ZFHX3: variants seen among roughly 807,000 people sequenced by gnomAD.
ZFHX3 encodes the protein zinc finger homeobox protein 3.
A neutral mutation model predicts 279.1 loss-of-function variants in ZFHX3; 42 were observed. The ratio of observed to expected loss-of-function variants is 0.15; its 90% confidence interval spans 0.12 to 0.19. The LOEUF is 0.19. Ranked by LOEUF, ZFHX3 falls within the 10% of genes least tolerant of loss-of-function variation. The pLI, the probability that ZFHX3 is intolerant of heterozygous loss-of-function variation, is 1.00. For synonymous variants in ZFHX3, 2,293 were observed against 1,957.8 expected, an observed-to-expected ratio of 1.17 and a Z score of -4.52; for missense variants, 4,981 against 4,754.0, an observed-to-expected ratio of 1.05 and a Z score of -1.40.
chr16:72,984,378 G>A (rs571140898), intron 1 of ZFHX3, among the ~76,000 whole-genome samples: 1 of 152,284 alleles, frequency 6.6e-6, no homozygotes, highest in African/African-American at 2.4e-5. Flanking sequence ...TATAATCCCA[G>A]TACTCTGGGA....
At chr16:73,452,481 A>G (rs1462380558) in intron 3 of ZFHX3, among the ~76,000 whole-genome samples, 1 of 152,200 alleles carries the variant, frequency 6.6e-6, no homozygotes, top group Non-Finnish European at 1.5e-5. Flanking sequence ...AGGCAGTCCT[A>G]GGTAGTTAAA....
At chr16:73,237,985 C>T (rs924192042) in intron 5 of ZFHX3, among the ~76,000 whole-genome samples, 26 of 152,146 alleles carry the variant, frequency 1.7e-4, no homozygotes, top group African/African-American at 6.0e-4. Flanking sequence ...TTCCTACTTT[C>T]CCATTAAAAC....
chr16:72,788,181 C>T lies in ZFHX3; in HGVS notation c.10095G>A (p.Gln3365=), dbSNP rs770673807. 6.2e-7 allele frequency: 1 copy of T among 1,611,966 alleles called. No homozygotes were observed. The highest frequency in any genetic ancestry group is 1.1e-5 in the South Asian group (1 of 90,874). Residue 3365 remains glutamine, a synonymous_variant, in exon 10 of 10, where the codon CAG becomes CAA. Coordinates refer to ENST00000268489, the MANE Select transcript of ZFHX3 (RefSeq NM_006885.4). ...CCTCCTGCAGACTCTGCTGGTATTG[C>T]TGGTACTGCTGCAGTAGGGAGCCTG... The part of the protein sequence containing the change: ...LSPGSLLQQY[Q]QYQQSLQEAI...
At chr16:73,048,246 C>A (rs576217679), upstream of ZFHX3, 162 of 152,124 alleles carry the variant, frequency 1.1e-3, 1 homozygote, top group Middle Eastern at 0.01. Context: ...TTGAAACTCA[C>A]AGCCCCGCTG....
chr16:73,485,336 C>G (rs1401849243), intron 2 of ZFHX3, among the ~76,000 whole-genome samples: 1 of 151,504 alleles, frequency 6.6e-6, no homozygotes, highest in Non-Finnish European at 1.5e-5. Flanking sequence ...GGCCCCCATT[C>G]CTTGCTAGTT....
chr16:73,010,450 G>A (rs1963874864), intron 1 of ZFHX3, among the ~76,000 whole-genome samples: 1 of 152,226 alleles, frequency 6.6e-6, no homozygotes, highest in Non-Finnish European at 1.5e-5. Flanking sequence ...TGGGCCAGCT[G>A]CACTAATCCC....
At chr16:73,095,679 A>G (rs547574082) in intron 7 of ZFHX3, among the ~76,000 whole-genome samples, 10 of 152,350 alleles carry the variant, frequency 6.6e-5, no homozygotes, top group East Asian at 1.9e-4. Context: ...ATCATATTCA[A>G]TGATTCATAA....
chr16:72,796,877 G>T lies in ZFHX3; in HGVS notation c.5805C>A (p.Arg1935=), dbSNP rs765096257. ...CGTTCCCTCTGGCATCTGAAGCAAT[G>T]CGTGGAGGGAGCATGGAAGGCTCAG... is the stretch of plus-strand genomic sequence containing the variant. ...GGSEPSMLPP[R]IASDARGNAT... Residue 1935 remains arginine, a synonymous_variant, in exon 9 of 10, where the codon CGC becomes CGA. Transcript: ENST00000268489. The T allele has an allele frequency of 6.2e-7, 1 of 1,613,704 alleles. No homozygotes were observed.
intron 5 of ZFHX3, among the ~76,000 whole-genome samples, chr16:72,816,062 C>T (rs889754518): frequency 1.3e-5 from 2 of 152,038 alleles, no homozygotes; most frequent in Non-Finnish European, 2.9e-5. Flanking sequence ...CATGTTACAG[C>T]TATGTAAAAA....
chr16:72,894,148 CAAAAAAAA>C (rs11340955), intron 3 of ZFHX3, among the ~76,000 whole-genome samples: 3 of 124,818 alleles, frequency 2.4e-5, no homozygotes, highest in Non-Finnish European at 3.4e-5. Context: ...AACTCTGTCT[CAAAAAAAA>C]AAAAAAAAAA....
intron 3 of ZFHX3, among the ~76,000 whole-genome samples, chr16:73,379,054 C>A (rs181117860): frequency 6.6e-6 from 1 of 152,158 alleles, no homozygotes; most frequent in Non-Finnish European, 1.5e-5. Flanking sequence ...ATGATTCTGA[C>A]GATCCCACGA....
chr16:73,332,242 T>C (rs1165976339), intron 3 of ZFHX3, among the ~76,000 whole-genome samples: 4 of 152,172 alleles, frequency 2.6e-5, no homozygotes, highest in Admixed American at 2.6e-4. Flanking sequence ...TAGGAAGTCA[T>C]TGAGAAACAG....
At chr16:73,592,838 TCTCTAAC>T (rs2052013499) in intron 2 of ZFHX3, among the ~76,000 whole-genome samples, 1 of 149,220 alleles carries the variant, frequency 6.7e-6, no homozygotes, top group Non-Finnish European at 1.5e-5. Context: ...AAAACTCGAA[TCTCTAAC>T]TTTTAAAAGA....
At chr16:73,003,927 C>A (rs1297649856) in intron 1 of ZFHX3, among the ~76,000 whole-genome samples, 1 of 145,454 alleles carries the variant, frequency 6.9e-6, no homozygotes, top group Non-Finnish European at 1.5e-5. Context: ...TACCCAATAA[C>A]CAGATCAGGG....
chr16:72,858,272 G>A (rs1027304202), intron 4 of ZFHX3, among the ~76,000 whole-genome samples: 1 of 152,188 alleles, frequency 6.6e-6, no homozygotes, highest in East Asian at 1.9e-4. Context: ...CTTCCTTCAC[G>A]AACAGAAGGT....
At chr16:72,808,739 A>T (rs2036348269) in intron 7 of ZFHX3, among the ~76,000 whole-genome samples, 1 of 152,354 alleles carries the variant, frequency 6.6e-6, no homozygotes, top group Non-Finnish European at 1.5e-5. Flanking sequence ...TGTCTCCTAC[A>T]TAATTACATT....
At chr16:73,279,406 T>G (rs904663940) in intron 4 of ZFHX3, among the ~76,000 whole-genome samples, 5 of 152,198 alleles carry the variant, frequency 3.3e-5, no homozygotes, top group African/African-American at 1.2e-4. Flanking sequence ...GAAAGTGACA[T>G]ACTATTTTAT....
At chr16:73,503,656 C>T (rs551582312) in intron 2 of ZFHX3, among the ~76,000 whole-genome samples, 1 of 152,126 alleles carries the variant, frequency 6.6e-6, no homozygotes, top group Non-Finnish European at 1.5e-5. Context: ...GGGGAAAGAA[C>T]GCAGGATGGC....
At chr16:72,923,270 C>T (rs900874863) in intron 3 of ZFHX3, among the ~76,000 whole-genome samples, 2 of 151,996 alleles carry the variant, frequency 1.3e-5, no homozygotes, top group Admixed American at 6.6e-5. Context: ...ATGGCGAAAG[C>T]CCATCTCTAC....
Sources: allele counts gnomAD v4.1 joint callset (sites outside exome capture counted in the v4.1 genomes callset), GRCh38; gene constraint gnomAD v4.1.1; transcripts MANE v1.5; gene names NCBI Gene and HGNC (gene_info 2026-07-23, HGNC 2026-07-21).